The following RBFOX1 variants were observed in gnomAD, a reference collection of about 807,000 sequenced individuals.
RBFOX1 encodes RNA binding protein fox-1 homolog 1.
RBFOX1 carries 8 observed loss-of-function variants against 57.7 expected under a neutral mutation model. The observed-to-expected ratio is 0.14, with a 90% CI of 0.08 to 0.25. The LOEUF (loss-of-function observed/expected upper bound fraction) is 0.25, where lower values mean the gene tolerates loss of function less well. Among genes scored for constraint, RBFOX1 ranks in the 10% least tolerant of loss-of-function variants. RBFOX1 has a pLI of 1.00. For synonymous variants in RBFOX1, 326 were observed against 222.4 expected (o/e 1.47, Z -4.15); for missense variants, 611 against 548.5 (o/e 1.11, Z -1.14).
At chr16:7,072,326 C>T (rs2057493212) in intron 4 of RBFOX1, among the ~76,000 whole-genome samples, 2 of 152,172 alleles carry the variant, frequency 1.3e-5, no homozygotes, top group Admixed American at 6.5e-5. Flanking sequence ...GTGCTTATCA[C>T]CTTCCTTACG....
chr16:7,673,322 G>C (rs999035578), intron 13 of RBFOX1, among the ~76,000 whole-genome samples: 17 of 152,186 alleles, frequency 1.1e-4, no homozygotes, highest in Admixed American at 1.0e-3. Flanking sequence ...AGAGTAACCA[G>C]TTTAATTTAA....
chr16:7,574,496 C>T (rs1313290965), intron 5 of RBFOX1, among the ~76,000 whole-genome samples: 2 of 152,052 alleles, frequency 1.3e-5, no homozygotes, highest in Non-Finnish European at 2.9e-5. Flanking sequence ...AGTCTGTGGT[C>T]GAAGGTCCAA....
chr16:7,704,703 A>T (rs184741558), intron 14 of RBFOX1, among the ~76,000 whole-genome samples: 121 of 152,278 alleles, frequency 7.9e-4, no homozygotes, highest in African/African-American at 2.6e-3. Flanking sequence ...AGATTATTAG[A>T]GTTGCTATAC....
chr16:6,986,430 C>G (rs2090301676), intron 3 of RBFOX1, among the ~76,000 whole-genome samples: 1 of 151,910 alleles, frequency 6.6e-6, no homozygotes. Flanking sequence ...AACTCCTGAC[C>G]TCAAGTGATC....
chr16:7,015,671 T>A (rs1462461141), intron 3 of RBFOX1, among the ~76,000 whole-genome samples: 1 of 152,190 alleles, frequency 6.6e-6, no homozygotes, highest in Non-Finnish European at 1.5e-5. Flanking sequence ...CAAGAAGTAT[T>A]TGAAATTTTT....
chr16:6,435,770 G>A (rs78287842), intron 2 of RBFOX1, among the ~76,000 whole-genome samples: 1 of 152,038 alleles, frequency 6.6e-6, no homozygotes, highest in African/African-American at 2.4e-5. Flanking sequence ...CAATTGATTG[G>A]GGTCTAGATT....
intron 3 of RBFOX1, among the ~76,000 whole-genome samples, chr16:5,787,698 A>C (rs569331210): frequency 6.6e-6 from 1 of 152,326 alleles, no homozygotes; most frequent in East Asian, 1.9e-4. Flanking sequence ...GGGAACAGGA[A>C]GGCGAGCCCA....
intron 2 of RBFOX1, among the ~76,000 whole-genome samples, chr16:6,608,492 A>C (rs1335802756): frequency 6.6e-6 from 1 of 152,182 alleles, no homozygotes; most frequent in Non-Finnish European, 1.5e-5. Flanking sequence ...TTAGTGACTT[A>C]AAACAACAGA....
intron 3 of RBFOX1, among the ~76,000 whole-genome samples, chr16:6,829,037 G>A (rs572885941): frequency 2.6e-5 from 4 of 151,964 alleles, no homozygotes; most frequent in Admixed American, 6.6e-5. Flanking sequence ...TTCTTGAGAC[G>A]GTGTCAAGAG....
chr16:5,722,757 C>G (rs1230872874), intron 3 of RBFOX1, among the ~76,000 whole-genome samples: 1 of 152,186 alleles, frequency 6.6e-6, no homozygotes, highest in Non-Finnish European at 1.5e-5. Context: ...TATTCCCTGC[C>G]TGGCTTACTT....
intron 2 of RBFOX1, among the ~76,000 whole-genome samples, chr16:5,557,333 G>C (rs898624260): frequency 6.6e-6 from 1 of 152,038 alleles, no homozygotes; most frequent in African/African-American, 2.4e-5. Context: ...TTGCGTTCCT[G>C]CTGTCTGTCT....
chr16:7,577,262 G>A (rs944365833), intron 5 of RBFOX1, among the ~76,000 whole-genome samples: 82 of 152,282 alleles, frequency 5.4e-4, no homozygotes, highest in African/African-American at 2.0e-3. Flanking sequence ...ATTGCTCTTA[G>A]GATGAAGCTC....
chr16:7,576,278 A>G (rs1487239111), intron 5 of RBFOX1, among the ~76,000 whole-genome samples: 1 of 152,066 alleles, frequency 6.6e-6, no homozygotes, highest in East Asian at 1.9e-4. Flanking sequence ...TCAGAGAAGA[A>G]AAGTGACCTG....
chr16:6,952,078 C>G lies in RBFOX1; in HGVS notation c.-15-99979C>G, dbSNP rs577126563. 2.6e-5 allele frequency among the ~76,000 whole-genome samples: 4 copies of G among 152,270 alleles called. No individual in the cohort carries two copies. In the South Asian group the frequency reaches 8.3e-4, roughly 32 times the overall value. ...TACGTGGTTGATCAGATACATGTAC[C>G]TTTATCTTTCTGAAAACGATTGCTT... On this transcript the variant is annotated intron_variant, in intron 3 of 15. Transcript: ENST00000550418.
chr16:5,797,513 A>G (rs1280092389), intron 3 of RBFOX1, among the ~76,000 whole-genome samples: 1 of 152,232 alleles, frequency 6.6e-6, no homozygotes, highest in African/African-American at 2.4e-5. Context: ...AGAGTGACTC[A>G]GCTCTGAGTA....
intron 3 of RBFOX1, among the ~76,000 whole-genome samples, chr16:7,034,340 C>T (rs947304030): frequency 6.6e-6 from 1 of 152,078 alleles, no homozygotes; most frequent in African/African-American, 2.4e-5. Flanking sequence ...CTAGATCATG[C>T]CTGGTAATGA....
chr16:7,266,982 C>G (rs1486863488), intron 4 of RBFOX1, among the ~76,000 whole-genome samples: 1 of 151,988 alleles, frequency 6.6e-6, no homozygotes, highest in Non-Finnish European at 1.5e-5. Context: ...CCACTGAGAC[C>G]AAAAAGCTCC....
intron 2 of RBFOX1, among the ~76,000 whole-genome samples, chr16:6,547,048 A>C (rs1284047514): frequency 6.6e-6 from 1 of 152,206 alleles, no homozygotes; most frequent in Non-Finnish European, 1.5e-5. Flanking sequence ...CATGCGTATT[A>C]TTACTAGCTT....
chr16:6,542,868 A>T (rs941229394), intron 2 of RBFOX1, among the ~76,000 whole-genome samples: 1 of 151,938 alleles, frequency 6.6e-6, no homozygotes, highest in Non-Finnish European at 1.5e-5. Context: ...TGTAAACTTC[A>T]TTGGCCTGGC....
Sources: gnomAD v4.1 joint callset for allele counts (sites outside exome capture counted in the v4.1 genomes callset) on GRCh38, gnomAD v4.1.1 for gene constraint, MANE v1.5 for transcripts, NCBI Gene and HGNC (gene_info 2026-07-23, HGNC 2026-07-21) for gene names.